CSRP1: variants seen among roughly 807,000 people sequenced by gnomAD.
The protein encoded by CSRP1 is cysteine and glycine rich protein 1, also known as cysteine and glycine-rich protein 1.
Under a neutral mutation model 25.4 loss-of-function variants are expected in CSRP1, and 16 were observed. The ratio of observed to expected loss-of-function variants is 0.63; its 90% CI spans 0.43 to 0.96. CSRP1 has a LOEUF of 0.96. CSRP1 is among the 40% of genes least tolerant of loss of function. The pLI is 0.00. For synonymous variants in CSRP1, 97 were observed against 95.3 expected, an observed-to-expected ratio of 1.02 and a Z score of -0.10; for missense variants, 212 against 243.6, an observed-to-expected ratio of 0.87 and a Z score of 0.86.
At chr1:201,493,450 A>G (rs1664406081) in intron 2 of CSRP1, among the ~76,000 whole-genome samples, 1 of 152,240 alleles carries the variant, frequency 6.6e-6, no homozygotes, top group Admixed American at 6.5e-5. Context: ...TATAAATGGG[A>G]GTTCCCCCAT....
At position 201,490,351 on chromosome 1, in the gene CSRP1, A is replaced by T. The variant is rs1399899974; in HGVS notation, c.113-7T>A. ...AGATTCTTCTTGCAGACCACTGTGG[A>T]GGGGAAGGGGAAGCGGACGCATTGA... On this transcript the variant is annotated splice_region_variant and splice_polypyrimidine_tract_variant and intron_variant, in intron 2 of 5. Transcript: ENST00000340006. 10 of 1,611,572 alleles carry T rather than the reference A, an allele frequency of 6.2e-6. No individual in the cohort carries two copies. The Admixed American group carries it at 1.7e-4, about 27-fold the overall frequency.
At chr1:201,496,503 C>T (rs368827071) in intron 1 of CSRP1, 199 bp from the exon 2 acceptor site, 4 of 602,400 alleles carry the variant, frequency 6.6e-6, no homozygotes, top group Admixed American at 2.7e-5. Context: ...TTTCCTCCCC[C>T]CAATCTAATC....
At chr1:201,495,237 AT>A (rs957484153) in intron 2 of CSRP1, among the ~76,000 whole-genome samples, 8 of 152,048 alleles carry the variant, frequency 5.3e-5, no homozygotes, top group East Asian at 3.9e-4. Context: ...CTCTCTAAAA[AT>A]TTTTTTTAAA....
chr1:201,496,229 G>T lies in CSRP1; in HGVS notation c.75C>A (p.Cys25Ter). Reference protein sequence around the residue: ...KTVYFAEEVQCEGNSFHKSCF... With the variant: ...KTVYFAEEVQ The stretch of plus-strand genomic sequence containing the variant: ...AGGATTTATGGAAGCTGTTGCCTTC[G>T]CACTGAACCTCTTCGGCAAAGTAAA... The change falls in exon 2 of 6, where the codon TGC (cysteine) becomes TGA (stop). Residue 25 changes from cysteine to a stop codon, truncating the protein, a stop_gained. Coordinates refer to ENST00000340006, the MANE Select transcript of CSRP1 (RefSeq NM_004078.3). LOFTEE classifies it high-confidence loss of function. 6.2e-7 allele frequency: 1 copy of T among 1,614,122 alleles called. No individual in the cohort carries two copies. The highest frequency in any genetic ancestry group is 1.6e-4 in the Middle Eastern group (1 of 6,062).
intron 1 of CSRP1, among the ~76,000 whole-genome samples, chr1:201,501,250 A>C (rs570571706): frequency 1.3e-5 from 2 of 152,334 alleles, no homozygotes; most frequent in Admixed American, 6.5e-5. Context: ...AGCCATCCAC[A>C]TGTAGCTAGT....
intron 1 of CSRP1, among the ~76,000 whole-genome samples, chr1:201,503,069 C>G (rs1020516174): frequency 6.6e-6 from 1 of 152,072 alleles, no homozygotes; most frequent in African/African-American, 2.4e-5. Context: ...TTGCTTGAAC[C>G]CGGAGGCAGA....
In CSRP1 at chr1:201,490,328, A is replaced by C. The variant is rs1420811337; in HGVS notation, c.129T>G (p.Asn43Lys). 8 of 1,614,110 alleles carry C rather than the reference A, an allele frequency of 5.0e-6. No homozygotes were observed. Among genetic ancestry groups the C allele is most frequent in the Admixed American group, 1.7e-5 (1 of 60,020 alleles). The part of the protein sequence containing the change: ...SCFLCMVCKK[N>K]LDSTTVAVHG... ...GCACGGCCACAGTGGTACTGTCCAG[A>C]TTCTTCTTGCAGACCACTGTGGAGG... The change falls in exon 3 of 6, where the codon AAT becomes AAG. Residue 43 changes from asparagine (N) to lysine (K), a missense_variant. Asn to Lys is a moderately conservative substitution (Grantham distance 94, BLOSUM62 0). Coordinates refer to ENST00000340006, the MANE Select transcript of CSRP1 (RefSeq NM_004078.3).
At chr1:201,497,964 C>T (rs1347992706) in intron 1 of CSRP1, among the ~76,000 whole-genome samples, 3 of 151,470 alleles carry the variant, frequency 2.0e-5, no homozygotes, top group African/African-American at 7.3e-5. Context: ...GAGTCGAGAT[C>T]GCGCCATTGC....
chr1:201,496,231 A>G lies in CSRP1; in HGVS notation c.73T>C (p.Cys25Arg). 4 of 1,614,158 alleles carry G rather than the reference A, an allele frequency of 2.5e-6. No individual in the cohort carries two copies. The highest frequency in any genetic ancestry group is 3.4e-6 in the Non-Finnish European group (4 of 1,180,028). ...KTVYFAEEVQ[C>R]EGNSFHKSCF... The stretch of plus-strand genomic sequence containing the variant: ...GATTTATGGAAGCTGTTGCCTTCGC[A>G]CTGAACCTCTTCGGCAAAGTAAACC... Residue 25 changes from cysteine to arginine, a missense_variant, in exon 2 of 6, where the codon TGC becomes CGC. Physicochemically the swap from Cys to Arg is radical, Grantham distance 180. Transcript: ENST00000340006.
At chr1:201,497,600 C>T (rs908536383) in intron 1 of CSRP1, among the ~76,000 whole-genome samples, 1 of 152,166 alleles carries the variant, frequency 6.6e-6, no homozygotes, top group Non-Finnish European at 1.5e-5. Context: ...GGTGTTGGTT[C>T]AGAGCTGGCG....
intron 5 of CSRP1, 117 bp from the exon 6 acceptor site, chr1:201,484,906 G>A: frequency 1.2e-6 from 1 of 832,186 alleles, no homozygotes; most frequent in Non-Finnish European, 2.0e-6. Context: ...AGGGAAGGAA[G>A]GTCCACTGGT....
chr1:201,493,639 C>T (rs768858250), intron 2 of CSRP1, among the ~76,000 whole-genome samples: 5 of 152,172 alleles, frequency 3.3e-5, no homozygotes, highest in Non-Finnish European at 5.9e-5. Context: ...CTAATACAGG[C>T]ATGTAGGTGG....
chr1:201,495,111 C>T (rs1664468697), intron 2 of CSRP1, among the ~76,000 whole-genome samples: 1 of 152,166 alleles, frequency 6.6e-6, no homozygotes. Flanking sequence ...GGGGAATGTA[C>T]CTTGGCGGGC....
Position 201,489,131 on chromosome 1 carries a change from G to A in CSRP1, c.282-147C>T, listed in dbSNP as rs1028558672. 7 of 930,850 alleles carry A rather than the reference G, an allele frequency of 7.5e-6. No individual in the cohort carries two copies. In the African/African-American group the frequency reaches 1.0e-4, roughly 13 times the overall value. 57.7% of individuals were successfully genotyped at this position (930,850 alleles called of 1,614,324 possible). ...AGTCACAAAGGCTAGGGCCTCTAGG[G>A]TCATCTCCCATTTTACAGATGGACA... On this transcript the variant is annotated intron_variant, in intron 3 of 5. Coordinates refer to ENST00000340006, the MANE Select transcript of CSRP1 (RefSeq NM_004078.3).
chr1:201,497,011 G>A (rs893788486), intron 1 of CSRP1, among the ~76,000 whole-genome samples: 4 of 152,150 alleles, frequency 2.6e-5, no homozygotes, highest in Non-Finnish European at 5.9e-5. Context: ...TTGTATATAA[G>A]CTATAGCTCA....
intron 4 of CSRP1, 142 bp downstream of exon 4, chr1:201,488,713 C>A: frequency 1.1e-6 from 1 of 930,798 alleles, no homozygotes. Flanking sequence ...GTACATGCAA[C>A]CCACAGGGAC....
chr1:201,503,620 A>C (rs1664729336), intron 1 of CSRP1, among the ~76,000 whole-genome samples: 1 of 152,158 alleles, frequency 6.6e-6, no homozygotes, highest in Non-Finnish European at 1.5e-5. Context: ...TGGAAATGCT[A>C]GCTGCCCCCG....
chr1:201,492,033 C>T (rs998118362), intron 2 of CSRP1: 2 of 152,306 alleles, frequency 1.3e-5, no homozygotes, highest in South Asian at 2.1e-4. Flanking sequence ...CACCATTTCC[C>T]CCCGGGACCA....
chr1:201,486,210 G>A, intron 4 of CSRP1: 1 of 280,068 alleles, frequency 3.6e-6, no homozygotes. Flanking sequence ...GTAACACAGG[G>A]CAAACAGCTG....
Sources: allele counts gnomAD v4.1 joint callset (sites outside exome capture counted in the v4.1 genomes callset), GRCh38; gene constraint gnomAD v4.1.1; transcripts MANE v1.5; gene names NCBI Gene and HGNC (gene_info 2026-07-23, HGNC 2026-07-21).